KIF21A: variants seen among roughly 807,000 people sequenced by gnomAD.
KIF21A encodes kinesin-like protein KIF21A.
A neutral mutation model predicts 202.9 loss-of-function variants in KIF21A; 114 were observed. The ratio of observed to expected loss-of-function variants is 0.56; its 90% CI spans 0.48 to 0.66. The LOEUF (loss-of-function observed/expected upper bound fraction) is 0.66, where lower values mean the gene tolerates loss of function less well. Ranked by LOEUF, KIF21A falls within the 30% of genes least tolerant of loss-of-function variation. The pLI is 0.00. For synonymous variants in KIF21A, 667 were observed against 670.8 expected, an observed-to-expected ratio of 0.99 and a Z score of 0.09; for missense variants, 1,677 against 1,994.9, an observed-to-expected ratio of 0.84 and a Z score of 3.04.
intron 17 of KIF21A, among the ~76,000 whole-genome samples, chr12:39,334,424 T>G (rs1946783772): frequency 6.6e-6 from 1 of 152,176 alleles, no homozygotes; most frequent in South Asian, 2.1e-4. Flanking sequence ...TCATTCATTT[T>G]ATGTTTATGT....
chr12:39,351,884 AGTT>A lies in KIF21A; in HGVS notation c.1563_1565del (p.Thr522del). 1 of 1,613,128 alleles carries A rather than the reference AGTT, an allele frequency of 6.2e-7. No individual in the cohort carries two copies. Among genetic ancestry groups the A allele is most frequent in the South Asian group, 1.1e-5 (1 of 91,008 alleles). On this transcript the variant is annotated inframe_deletion, in exon 11 of 38. Coordinates refer to ENST00000361418, the MANE Select transcript of KIF21A (RefSeq NM_001173464.2). ...CTGAGGATAGTATGGTAGGAGAAAAAGTTGATGATCCGCTGAAATATGGCGCTC... is the reference window on the plus strand; with the variant it reads ...CTGAGGATAGTATGGTAGGAGAAAAAGATGATCCGCTGAAATATGGCGCTC...
intron 34 of KIF21A, among the ~76,000 whole-genome samples, chr12:39,305,226 T>C (rs2137207784): frequency 6.6e-6 from 1 of 151,574 alleles, no homozygotes; most frequent in South Asian, 2.1e-4. Context: ...ATTAGCCGGA[T>C]GTGGTGGTGG....
At position 39,337,088 on chromosome 12, in the gene KIF21A, C is replaced by T; in HGVS notation, c.2418+8G>A. 2 of 1,544,058 alleles carry T rather than the reference C, an allele frequency of 1.3e-6. No individual in the cohort carries two copies. Among genetic ancestry groups the T allele is most frequent in the South Asian group, 2.2e-5 (2 of 89,604 alleles). On this transcript the variant is annotated splice_region_variant and intron_variant, in intron 17 of 37. Coordinates refer to ENST00000361418, the MANE Select transcript of KIF21A (RefSeq NM_001173464.2). ...TTCTTATATAACTGAGAGTTAAAAT[C>T]CACTTACATCTCTTTTACGTTGATC...
rs775761627 is a variant in KIF21A, at chr12:39,303,036, C to T, written c.4660G>A (p.Asp1554Asn). Residue 1554 changes from aspartate (D) to asparagine (N), a missense_variant, in exon 36 of 38, where the codon GAT (aspartate) becomes AAT (asparagine). By Grantham distance (23) the Asp-to-Asn change is conservative. Coordinates refer to ENST00000361418, the MANE Select transcript of KIF21A (RefSeq NM_001173464.2). The stretch of plus-strand genomic sequence containing the variant: ...TCTCTAGACCCACTAAATAGGTTAT[C>T]CCCTTGAATGGTTAGTGCTTCTATG... The part of the protein sequence containing the change: ...DGIEALTIQG[D>N]NLFSGSRDNG... 66 of 1,613,788 alleles carry T rather than the reference C, an allele frequency of 4.1e-5. No individual in the cohort carries two copies. The highest frequency in any genetic ancestry group is 5.3e-5 in the Non-Finnish European group (62 of 1,179,848).
At chr12:39,391,381 T>A (rs1189816150) in intron 1 of KIF21A, among the ~76,000 whole-genome samples, 2 of 152,108 alleles carry the variant, frequency 1.3e-5, no homozygotes, top group Non-Finnish European at 2.9e-5. Flanking sequence ...TAAATGGGTT[T>A]TATAGTGTGC....
chr12:39,356,755 C>A, intron 10 of KIF21A, 77 bp downstream of exon 10: 3 of 743,020 alleles, frequency 4.0e-6, no homozygotes, highest in South Asian at 3.0e-5. Context: ...ACACTAAGCC[C>A]AACAAACAGA....
At chr12:39,420,401 A>C (rs2140209364) in intron 1 of KIF21A, among the ~76,000 whole-genome samples, 1 of 152,216 alleles carries the variant, frequency 6.6e-6, no homozygotes, top group South Asian at 2.1e-4. Flanking sequence ...TTTACAAAGA[A>C]CCCAAGGGTG....
chr12:39,428,876 T>C (rs1954967151), intron 1 of KIF21A, among the ~76,000 whole-genome samples: 1 of 151,236 alleles, frequency 6.6e-6, no homozygotes, highest in African/African-American at 2.4e-5. Context: ...GAGAATCACT[T>C]GAACCGGGGA....
rs1424497663 is a variant in KIF21A at position 39,436,422 on chromosome 12, T to TTTTATATATATATATATATATA, written c.44+6504_44+6505insTATATATATATATATATATAAA. ...TCAATAATTATAAGGGTTTACTATA[T>TTTTATATATATATATATATATA]TATATATATATATATATATATATAT... On this transcript the variant is annotated intron_variant, in intron 1 of 37. Transcript: ENST00000361418. Among the ~76,000 whole-genome samples, 257 of 99,012 alleles carry TTTTATATATATATATATATATA rather than the reference T, an allele frequency of 2.6e-3. 7 individuals carry two copies. Among genetic ancestry groups the TTTTATATATATATATATATATA allele is most frequent in the Middle Eastern group, 5.1e-3 (1 of 198 alleles). 65.0% of individuals were successfully genotyped at this position (99,012 alleles called of 152,430 possible). A position where few individuals can be genotyped will look rare whatever the true frequency, so the allele number is the denominator to read the frequency against.
At chr12:39,441,660 T>TAAAAAAAAAAAAACAAAA (rs1939607747) in intron 1 of KIF21A, among the ~76,000 whole-genome samples, 1 of 37,786 alleles carries the variant, frequency 2.6e-5, no homozygotes, top group Non-Finnish European at 5.6e-5. Context: ...CCCTGGGTGG[T>TAAAAAAAAAAAAACAAAA]AAAAAAAAAA....
intron 1 of KIF21A, among the ~76,000 whole-genome samples, chr12:39,400,650 A>G (rs1952101611): frequency 6.6e-6 from 1 of 152,224 alleles, no homozygotes. Flanking sequence ...ATGCAGCCAT[A>G]AAAAGAAAGG....
At chr12:39,329,421 C>A in intron 24 of KIF21A, among the ~76,000 whole-genome samples, 1 of 151,636 alleles carries the variant, frequency 6.6e-6, no homozygotes. Context: ...TGAATTGAGC[C>A]ACTAAGAACA....
At position 39,356,921 on chromosome 12, in the gene KIF21A, A is replaced by G. The variant is rs187234724; in HGVS notation, c.1406-26T>C. The G allele has an allele frequency of 1.1e-4, 117 of 1,109,178 alleles. No homozygotes were observed. The East Asian group carries it at 2.7e-3, about 25-fold the overall frequency. The allele number at this position is 1,109,178 out of a possible 1,614,324, so 68.7% of individuals were successfully genotyped here. A position where few individuals can be genotyped will look rare whatever the true frequency, so the allele number is the denominator to read the frequency against. ...CTGAAAGACAAAATATGAAATAAAA[A>G]TTTTCCTTTAAATTAAGACTTCAAC... On this transcript the variant is annotated intron_variant, in intron 9 of 37. Transcript: ENST00000361418.
chr12:39,358,552 G>T (rs923272176), intron 7 of KIF21A, among the ~76,000 whole-genome samples, 179 bp from the exon 8 acceptor site: 4 of 151,988 alleles, frequency 2.6e-5, no homozygotes, highest in Non-Finnish European at 5.9e-5. Context: ...GTTTACTTTG[G>T]GGAAATAAAT....
intron 1 of KIF21A, among the ~76,000 whole-genome samples, chr12:39,430,576 AAAAG>A (rs1022383240): frequency 3.3e-5 from 5 of 152,070 alleles, no homozygotes; most frequent in African/African-American, 1.2e-4. Flanking sequence ...CAAAAAAAAA[AAAAG>A]AAAGAAAGAA....
At chr12:39,407,978 G>A (rs1350181717) in intron 1 of KIF21A, among the ~76,000 whole-genome samples, 1 of 151,096 alleles carries the variant, frequency 6.6e-6, no homozygotes, top group African/African-American at 2.4e-5. Flanking sequence ...AAGAAAACGT[G>A]ACAAATAGTC....
At chr12:39,340,122 T>C (rs1363494465) in intron 16 of KIF21A, 43 bp downstream of exon 16, 11 of 1,490,154 alleles carry the variant, frequency 7.4e-6, no homozygotes, top group Non-Finnish European at 1.0e-5. Context: ...AATGACAAAA[T>C]CATACTGAAC....
intron 31 of KIF21A, chr12:39,312,518 A>G (rs1157510019): frequency 6.6e-6 from 1 of 152,028 alleles, no homozygotes; most frequent in Non-Finnish European, 1.5e-5. Context: ...CTAAAAGAGT[A>G]TAATTGGATT....
chr12:39,421,677 G>A (rs1308595411), intron 1 of KIF21A, among the ~76,000 whole-genome samples: 1 of 144,288 alleles, frequency 6.9e-6, no homozygotes, highest in Non-Finnish European at 1.5e-5. Context: ...TGGGTGACAG[G>A]GCAAGACTCC....
Sources: allele counts gnomAD v4.1 joint callset (sites outside exome capture counted in the v4.1 genomes callset), GRCh38; gene constraint gnomAD v4.1.1; transcripts MANE v1.5; gene names NCBI Gene and HGNC (gene_info 2026-07-23, HGNC 2026-07-21).